Variants in PHF21A observed in about 807,000 individuals in gnomAD.
PHF21A encodes the protein BHC80a.
PHF21A carries 11 observed loss-of-function variants against 82.5 expected under a neutral mutation model. That is an observed-to-expected ratio of 0.13 (90% CI 0.08 to 0.22). The LOEUF (loss-of-function observed/expected upper bound fraction) is 0.22. Ranked by LOEUF, PHF21A falls within the 10% of genes least tolerant of loss-of-function variation. The pLI, the probability that PHF21A is intolerant of heterozygous loss-of-function variation, is 1.00. For missense variants in PHF21A, 579 were observed against 837.8 expected (o/e 0.69, Z 3.81); for synonymous variants, 297 against 302.8 (o/e 0.98, Z 0.20).
chr11:45,990,297 C>T (rs1416757667), intron 6 of PHF21A, among the ~76,000 whole-genome samples: 1 of 127,620 alleles, frequency 7.8e-6, no homozygotes, highest in African/African-American at 3.0e-5. Flanking sequence ...CTCACTCTGT[C>T]CCCCAGGCTG....
chr11:46,004,391 A>C (rs2095239819), intron 6 of PHF21A, among the ~76,000 whole-genome samples: 1 of 152,188 alleles, frequency 6.6e-6, no homozygotes, highest in East Asian at 1.9e-4. Context: ...TTTTGACCAA[A>C]GGAAATGGAT....
intron 7 of PHF21A, 62 bp downstream of exon 7, chr11:45,979,698 A>G (rs781245313): frequency 2.0e-5 from 33 of 1,611,018 alleles, no homozygotes; most frequent in Admixed American, 3.3e-5. Context: ...ACCCAGTTCT[A>G]TATGACCAAC....
Position 45,929,869 on chromosome 11 carries a change from GAC to G in PHF21A, c.*4097_*4098del, listed in dbSNP as rs1465827683. 6.6e-6 allele frequency: 1 copy of G among 152,352 alleles called. No homozygotes were observed. The highest frequency in any genetic ancestry group is 1.5e-5 in the Non-Finnish European group (1 of 68,166). The allele number at this position is 152,352 out of a possible 1,614,324, so 9.4% of individuals were successfully genotyped here. A position where few individuals can be genotyped will look rare whatever the true frequency, so the allele number is the denominator to read the frequency against. ...GTCTTGGAGAGGAGCTGACTCAGAG[GAC>G]AGTCTAAGTCAGGGTGAGGATGGGA... is the stretch of plus-strand genomic sequence containing the variant. On this transcript the variant is annotated 3_prime_UTR_variant, in exon 19 of 19. Coordinates refer to ENST00000676320, the MANE Select transcript of PHF21A (RefSeq NM_001352027.3).
chr11:45,935,530 G>GT (rs2088715408), intron 18 of PHF21A, 106 bp downstream of exon 18: 1 of 751,864 alleles, frequency 1.3e-6, no homozygotes, highest in Admixed American at 2.3e-5. Flanking sequence ...TTAATAAACA[G>GT]AAGGACCCGA....
intron 6 of PHF21A, among the ~76,000 whole-genome samples, chr11:45,983,165 G>C (rs2094366310): frequency 6.6e-6 from 1 of 152,126 alleles, no homozygotes; most frequent in Non-Finnish European, 1.5e-5. Context: ...TCAGGAGCGT[G>C]GGAGTCAAGT....
chr11:46,109,973 T>A (rs2097193583), intron 1 of PHF21A, among the ~76,000 whole-genome samples: 1 of 144,222 alleles, frequency 6.9e-6, no homozygotes, highest in Non-Finnish European at 1.5e-5. Context: ...AGGGCAAGAC[T>A]CCGTGTCAAA....
chr11:45,991,317 C>T (rs896848201), intron 6 of PHF21A, among the ~76,000 whole-genome samples: 1 of 152,164 alleles, frequency 6.6e-6, no homozygotes, highest in Non-Finnish European at 1.5e-5. Flanking sequence ...AATTCTATAA[C>T]TGTTACATAA....
At chr11:46,081,328 G>A (rs1166950267) in intron 4 of PHF21A, among the ~76,000 whole-genome samples, 1 of 152,100 alleles carries the variant, frequency 6.6e-6, no homozygotes, top group African/African-American at 2.4e-5. Context: ...GTTTAAAGGG[G>A]ACTGAAACAC....
chr11:46,093,020 T>G (rs907244902), intron 1 of PHF21A, among the ~76,000 whole-genome samples: 2 of 152,124 alleles, frequency 1.3e-5, no homozygotes, highest in African/African-American at 4.8e-5. Context: ...CCTCCCAAAG[T>G]GCTGGGATTA....
chr11:46,036,159 G>C (rs1214261064), intron 6 of PHF21A, among the ~76,000 whole-genome samples: 1 of 152,208 alleles, frequency 6.6e-6, no homozygotes, highest in Non-Finnish European at 1.5e-5. Flanking sequence ...TGAGTGAAAG[G>C]GAAGAATCAA....
intron 6 of PHF21A, among the ~76,000 whole-genome samples, chr11:46,023,975 G>C (rs1206059223): frequency 6.6e-6 from 1 of 152,036 alleles, no homozygotes; most frequent in African/African-American, 2.4e-5. Context: ...CAAACAAAAA[G>C]AATCACTGAA....
intron 6 of PHF21A, chr11:46,026,957 G>A (rs1419449547): frequency 6.6e-6 from 1 of 152,130 alleles, no homozygotes; most frequent in Non-Finnish European, 1.5e-5. Flanking sequence ...CAGAAAATCT[G>A]CTTTTGCTAG....
At chr11:46,045,414 G>A (rs571203660) in intron 6 of PHF21A, among the ~76,000 whole-genome samples, 1 of 152,286 alleles carries the variant, frequency 6.6e-6, no homozygotes, top group Non-Finnish European at 1.5e-5. Context: ...GGGGAGTTGG[G>A]AAAGGTAGAG....
intron 1 of PHF21A, among the ~76,000 whole-genome samples, chr11:46,114,932 C>T (rs1157322191): frequency 3.3e-5 from 5 of 152,168 alleles, no homozygotes; most frequent in African/African-American, 1.2e-4. Flanking sequence ...CCTAGGCCCA[C>T]AAACAGAGTC....
Position 46,108,422 on chromosome 11 carries a change from C to A in PHF21A, c.-237+12513G>T, listed in dbSNP as rs187061566. ...GGAATCTTAATGTATAAATCTTACC[C>A]ACCTCTCTTCCTCCAACCTTACTCC... On this transcript the variant is annotated intron_variant, in intron 1 of 18. Transcript: ENST00000676320. Among the ~76,000 whole-genome samples the A allele has an allele frequency of 5.3e-5, 8 of 152,054 alleles. No homozygotes were observed. In the East Asian group the frequency reaches 1.4e-3, roughly 26 times the overall value.
intron 3 of PHF21A, among the ~76,000 whole-genome samples, chr11:46,088,164 T>C (rs2096878734): frequency 6.6e-6 from 1 of 152,210 alleles, no homozygotes; most frequent in African/African-American, 2.4e-5. Context: ...AAAGATGATT[T>C]AACATATTTT....
intron 6 of PHF21A, among the ~76,000 whole-genome samples, chr11:46,051,805 G>A (rs1277759267): frequency 6.6e-6 from 1 of 152,204 alleles, no homozygotes; most frequent in African/African-American, 2.4e-5. Flanking sequence ...AGAAACAAAG[G>A]TGATGGGGGT....
intron 14 of PHF21A, 109 bp from the exon 15 acceptor site, chr11:45,946,112 G>A (rs2135391821): frequency 8.7e-6 from 14 of 1,613,610 alleles, no homozygotes; most frequent in Non-Finnish European, 1.2e-5. Flanking sequence ...GCATGGAAAA[G>A]GAAGTGAGGT....
At chr11:45,959,162 G>C (rs2092918904) in intron 10 of PHF21A, among the ~76,000 whole-genome samples, 1 of 151,910 alleles carries the variant, frequency 6.6e-6, no homozygotes, top group African/African-American at 2.4e-5. Flanking sequence ...AAAAAAACAT[G>C]GTATCTCAAC....
Sources: gnomAD v4.1 joint callset for allele counts (sites outside exome capture counted in the v4.1 genomes callset) on GRCh38, gnomAD v4.1.1 for gene constraint, MANE v1.5 for transcripts, NCBI Gene and HGNC (gene_info 2026-07-23, HGNC 2026-07-21) for gene names.